The following MYOM3 variants were observed in gnomAD, a reference collection of about 807,000 sequenced individuals.
MYOM3 encodes the protein myomesin 3, also known as myomesin-3.
MYOM3 carries 155 observed loss-of-function variants against 191.7 expected under a neutral mutation model. That is an observed-to-expected ratio of 0.81 (90% confidence interval 0.71 to 0.92). MYOM3 has a LOEUF of 0.92. MYOM3 is among the 40% of genes least tolerant of loss of function. The pLI, the probability that MYOM3 is intolerant of heterozygous loss-of-function variation, is 0.00. For synonymous variants in MYOM3, 757 were observed against 762.9 expected, an observed-to-expected ratio of 0.99 and a Z score of 0.13; for missense variants, 1,889 against 1,890.6, an observed-to-expected ratio of 1.00 and a Z score of 0.02.
intron 7 of MYOM3, among the ~76,000 whole-genome samples, chr1:24,096,137 T>C (rs1643877378): frequency 6.6e-6 from 1 of 152,094 alleles, no homozygotes. Context: ...AGCCTGAAGC[T>C]ATGACATGAC....
intron 21 of MYOM3, 53 bp downstream of exon 21, chr1:24,076,106 T>A: frequency 1.4e-6 from 2 of 1,421,888 alleles, no homozygotes; most frequent in Non-Finnish European, 2.0e-6. Flanking sequence ...ACTCCACCCG[T>A]CCCCAGTGGC....
chr1:24,078,869 C>CT, intron 20 of MYOM3, among the ~76,000 whole-genome samples: 1 of 152,210 alleles, frequency 6.6e-6, no homozygotes, highest in South Asian at 2.1e-4. Context: ...CCTGATATGT[C>CT]TAAGTATTTG....
At chr1:24,079,263 G>A (rs759789116) in intron 20 of MYOM3, among the ~76,000 whole-genome samples, 16 of 151,990 alleles carry the variant, frequency 1.1e-4, no homozygotes, top group East Asian at 3.8e-4. Flanking sequence ...GCAGTGGTAC[G>A]ATCACGGCTC....
At position 24,107,085 on chromosome 1, in the gene MYOM3, C is replaced by A. The variant is rs745536919; in HGVS notation, c.390G>T (p.Thr130=). 2 of 1,607,938 alleles carry A rather than the reference C, an allele frequency of 1.2e-6. No homozygotes were observed. Among genetic ancestry groups the A allele is most frequent in the Non-Finnish European group, 8.5e-7 (1 of 1,177,508 alleles). Residue 130 remains threonine (T), a synonymous_variant, in exon 4 of 37, where the codon ACG becomes ACT. Transcript: ENST00000374434. ...CCCACCCCCTTACCCGCCGCCTCAGCGTCTTCCAGTCCCGCCTCTGGCGCA... is the reference window on the plus strand; with the variant it reads ...CCCACCCCCTTACCCGCCGCCTCAGAGTCTTCCAGTCCCGCCTCTGGCGCA... The part of the protein sequence containing the change: ...RLLRQRRDWK[T]LRRRTEEKVQ...
chr1:24,072,064 T>C (rs2148546417), intron 23 of MYOM3, 51 bp from the exon 24 acceptor site: 8 of 1,560,790 alleles, frequency 5.1e-6, no homozygotes, highest in Non-Finnish European at 6.2e-6. Context: ...AATATCCTGG[T>C]CGGGGGTGGG....
rs551016132 is a variant in MYOM3, at chr1:24,057,378, G to A, written c.4300C>T (p.Leu1434=). 8.7e-6 allele frequency: 14 copies of A among 1,613,478 alleles called. No homozygotes were observed. The highest frequency in any genetic ancestry group is 3.3e-5 in the Admixed American group (2 of 60,020). ...VFKHGDEPKE[L]KSM ...GACACACGCTGTCACATGCTCTTCA[G>A]CTCCTTGGGCTCGTCCCCGTGCTTG... The change falls in exon 37 of 37, where the codon CTG becomes TTG. Residue 1434 remains leucine (L), a synonymous_variant. Coordinates refer to ENST00000374434, the MANE Select transcript of MYOM3 (RefSeq NM_152372.4).
At chr1:24,071,804 C>T (rs777902575) in intron 24 of MYOM3, among the ~76,000 whole-genome samples, 165 bp downstream of exon 24, 18 of 152,218 alleles carry the variant, frequency 1.2e-4, no homozygotes, top group Non-Finnish European at 2.2e-4. Context: ...CTTTTCCTTC[C>T]GTGAGCTTCC....
Position 24,082,153 on chromosome 1 carries a change from T to G in MYOM3, c.2128A>C (p.Asn710His). 1 of 1,613,238 alleles carries G rather than the reference T, an allele frequency of 6.2e-7. No homozygotes were observed. Among genetic ancestry groups the G allele is most frequent in the Non-Finnish European group, 8.5e-7 (1 of 1,179,698 alleles). The change falls in exon 18 of 37, where the codon AAC becomes CAC. Residue 710 changes from asparagine to histidine, a missense_variant. By Grantham distance (68) the Asn-to-His change is moderately conservative. Transcript: ENST00000374434. ...ATGACCATTTCATTCTTCCCGCAGT[T>G]CAGGAGGGCAAAGCCATATGGGGCA... ...PSAPYGFALL[N>H]CGKNEMVIGW...
At chr1:24,106,954 G>T in intron 4 of MYOM3, 119 bp downstream of exon 4, 1 of 998,396 alleles carries the variant, frequency 1.0e-6, no homozygotes, top group Non-Finnish European at 1.4e-6. Context: ...GGCATCAGAT[G>T]CAGACCCAAA....
At chr1:24,108,392 C>T in intron 2 of MYOM3, 84 bp downstream of exon 2, 1 of 1,382,210 alleles carries the variant, frequency 7.2e-7, no homozygotes, top group Non-Finnish European at 9.5e-7. Context: ...TTGGAGCCTC[C>T]AGAGGGCTAG....
Position 24,063,952 on chromosome 1 carries a change from T to A in MYOM3, c.3622+120A>T. On this transcript the variant is annotated intron_variant, in intron 30 of 36. Coordinates refer to ENST00000374434, the MANE Select transcript of MYOM3 (RefSeq NM_152372.4). The surrounding 1 kb of genome is among the most constrained non-coding windows in gnomAD (Gnocchi z 4.5). ...GGAATCTTGGGCAAGTTACTTAATC[T>A]CTTTGTGCCTCAATTTCTCCAAGTG... is the stretch of plus-strand genomic sequence containing the variant. 1.3e-6 allele frequency: 1 copy of A among 795,980 alleles called. No homozygotes were observed. Among genetic ancestry groups the A allele is most frequent in the East Asian group, 2.5e-5 (1 of 39,852 alleles). The allele number at this position is 795,980 out of a possible 1,614,324, so 49.3% of individuals were successfully genotyped here.
intron 1 of MYOM3, among the ~76,000 whole-genome samples, chr1:24,109,541 A>G (rs1644021712): frequency 6.6e-6 from 1 of 152,166 alleles, no homozygotes; most frequent in Non-Finnish European, 1.5e-5. Context: ...TGCTTTCTCT[A>G]TGTAATTATT....
chr1:24,059,118 C>A, intron 35 of MYOM3, 139 bp from the exon 36 acceptor site: 1 of 674,464 alleles, frequency 1.5e-6, no homozygotes, highest in Non-Finnish European at 2.6e-6. Flanking sequence ...GGATGGAAAT[C>A]TTTTTTAAAT....
Position 24,065,697 on chromosome 1 carries a change from T to G in MYOM3, c.3534+194A>C, listed in dbSNP as rs897564746. On this transcript the variant is annotated intron_variant, in intron 29 of 36. Coordinates refer to ENST00000374434, the MANE Select transcript of MYOM3 (RefSeq NM_152372.4). ...AATAGTTTTTTTGCATTAATTTTGA[T>G]TTTTTAGAATATTGCATACAATATT... The G allele has an allele frequency of 4.8e-6, 3 of 625,508 alleles. No homozygotes were observed. The Admixed American group carries it at 8.4e-5, about 17-fold the overall frequency. 38.7% of individuals were successfully genotyped at this position (625,508 alleles called of 1,614,324 possible).
intron 16 of MYOM3, chr1:24,082,943 C>T: frequency 2.3e-6 from 1 of 437,628 alleles, no homozygotes; most frequent in Non-Finnish European, 3.9e-6. Flanking sequence ...CCAGATCCAC[C>T]CTTAAAACGC....
At chr1:24,060,474 C>T (rs1570848665) in intron 35 of MYOM3, among the ~76,000 whole-genome samples, 2 of 152,212 alleles carry the variant, frequency 1.3e-5, no homozygotes, top group East Asian at 1.9e-4. Context: ...CACACCTGTG[C>T]TCTGCTGCCT....
rs529176131 is a variant in MYOM3 at position 24,108,655 on chromosome 1, C to G, written c.-18-1G>C. 1.3e-6 allele frequency: 2 copies of G among 1,534,808 alleles called. No individual in the cohort carries two copies. Among genetic ancestry groups the G allele is most frequent in the African/African-American group, 1.4e-5 (1 of 71,426 alleles). The stretch of plus-strand genomic sequence containing the variant: ...GAGTCATGGTTACGAGAGCAACAAC[C>G]TGTGAAGGCCAAGGTCCACGGTCAT... On this transcript the variant is annotated splice_acceptor_variant, in intron 1 of 36. Coordinates refer to ENST00000374434, the MANE Select transcript of MYOM3 (RefSeq NM_152372.4). LOFTEE classifies it low-confidence loss of function (5UTR_SPLICE).
At chr1:24,089,703 C>A in intron 13 of MYOM3, 38 bp from the exon 14 acceptor site, 1 of 1,539,132 alleles carries the variant, frequency 6.5e-7, no homozygotes, top group South Asian at 1.2e-5. Flanking sequence ...ATGGTTGGAC[C>A]CTCAGAGACC....
chr1:24,089,922 C>A, intron 13 of MYOM3, 143 bp downstream of exon 13: 1 of 861,530 alleles, frequency 1.2e-6, no homozygotes. Context: ...GTGACCCCAG[C>A]ACTCTGACTG....
Sources: allele counts gnomAD v4.1 joint callset (sites outside exome capture counted in the v4.1 genomes callset), GRCh38; gene constraint gnomAD v4.1.1; non-coding constraint Gnocchi (gnomAD v3.1); transcripts MANE v1.5; gene names NCBI Gene and HGNC (gene_info 2026-07-23, HGNC 2026-07-21).